RBFOX3: variants seen among roughly 807,000 people sequenced by gnomAD.
The protein encoded by RBFOX3 is RNA binding fox-1 homolog 3.
A neutral mutation model predicts 48.7 loss-of-function variants in RBFOX3; 17 were observed. The observed-to-expected ratio is 0.35, with a 90% confidence interval of 0.24 to 0.52. RBFOX3 has a LOEUF of 0.52. Ranked by LOEUF, RBFOX3 falls within the 20% of genes least tolerant of loss-of-function variation. RBFOX3 has a pLI of 0.94. For missense variants in RBFOX3, 382 were observed against 497.5 expected (o/e 0.77, Z 2.21); for synonymous variants, 212 against 209.5 (o/e 1.01, Z -0.10).
At chr17:79,258,725 G>A (rs1202243231) in intron 3 of RBFOX3, among the ~76,000 whole-genome samples, 1 of 152,176 alleles carries the variant, frequency 6.6e-6, no homozygotes, top group South Asian at 2.1e-4. Context: ...CTGGTTGGTG[G>A]GGGGTGCACT....
At chr17:79,150,995 T>C (rs1449011463) in intron 4 of RBFOX3, among the ~76,000 whole-genome samples, 2 of 152,172 alleles carry the variant, frequency 1.3e-5, no homozygotes, top group Non-Finnish European at 2.9e-5. Context: ...CCCGCTGCTG[T>C]GCGGCTCTCA....
chr17:79,519,266 G>T (rs998294426), intron 1 of RBFOX3, among the ~76,000 whole-genome samples: 5 of 152,198 alleles, frequency 3.3e-5, no homozygotes, highest in Non-Finnish European at 7.4e-5. Flanking sequence ...CCACCCCCAG[G>T]GCTCACACTC....
chr17:79,196,162 A>G (rs1173211480), intron 4 of RBFOX3, among the ~76,000 whole-genome samples: 1 of 152,188 alleles, frequency 6.6e-6, no homozygotes, highest in Non-Finnish European at 1.5e-5. Flanking sequence ...GGTCGGAGTC[A>G]CTGCCCCCTT....
intron 2 of RBFOX3, among the ~76,000 whole-genome samples, chr17:79,330,638 C>T (rs1246466901): frequency 6.6e-6 from 1 of 152,162 alleles, no homozygotes; most frequent in Admixed American, 6.5e-5. Flanking sequence ...CCCTGACTCT[C>T]ACCAGTTTCT....
chr17:79,291,062 G>T (rs1018632086), intron 3 of RBFOX3, among the ~76,000 whole-genome samples: 4 of 152,238 alleles, frequency 2.6e-5, no homozygotes, highest in African/African-American at 9.6e-5. Context: ...CAAATGAAAG[G>T]TGTGGTGTTG....
chr17:79,390,058 G>GCCGGGTCTCCGCAGCCT lies in RBFOX3; in HGVS notation c.-174-82251_-174-82235dup, dbSNP rs869163167. ...CCGTAGCCTCCAGGTCTCCGCAGCC[G>GCCGGGTCTCCGCAGCCT]CCGGGTCTCCGCAGCCTCCGGGTCT... On this transcript the variant is annotated intron_variant, in intron 2 of 14. Transcript: ENST00000693108. The surrounding 1 kb of genome is among the most constrained non-coding windows in gnomAD (Gnocchi z 4.2). 1.9e-3 allele frequency among the ~76,000 whole-genome samples: 245 copies of GCCGGGTCTCCGCAGCCT among 125,886 alleles called. 1 individual carries two copies. Among genetic ancestry groups the GCCGGGTCTCCGCAGCCT allele is most frequent in the Non-Finnish European group, 2.8e-3 (153 of 55,628 alleles). 82.6% of individuals were successfully genotyped at this position (125,886 alleles called of 152,430 possible). A position where few individuals can be genotyped will look rare whatever the true frequency, so the allele number is the denominator to read the frequency against.
chr17:79,134,483 G>T (rs780053046), intron 4 of RBFOX3, among the ~76,000 whole-genome samples: 3 of 152,228 alleles, frequency 2.0e-5, no homozygotes, highest in Admixed American at 6.5e-5. Flanking sequence ...CGCACAGCAG[G>T]TGCACACAGC....
At chr17:79,200,116 T>C (rs1301320390) in intron 4 of RBFOX3, among the ~76,000 whole-genome samples, 1 of 147,110 alleles carries the variant, frequency 6.8e-6, no homozygotes, top group Non-Finnish European at 1.5e-5. Context: ...TGAGCCGATA[T>C]TGCGTCACTG....
At chr17:79,526,325 C>T (rs2086792479) in intron 1 of RBFOX3, among the ~76,000 whole-genome samples, 1 of 152,188 alleles carries the variant, frequency 6.6e-6, no homozygotes, top group Admixed American at 6.5e-5. Context: ...GGAAGCCAGC[C>T]TCATCTACGA....
intron 1 of RBFOX3, among the ~76,000 whole-genome samples, chr17:79,527,223 T>C (rs1031427218): frequency 2.0e-5 from 3 of 152,264 alleles, no homozygotes; most frequent in Non-Finnish European, 4.4e-5. Context: ...AGAGCACGCC[T>C]GCCACCTCTT....
chr17:79,277,042 G>A (rs187761738), intron 3 of RBFOX3, among the ~76,000 whole-genome samples: 12 of 152,314 alleles, frequency 7.9e-5, no homozygotes, highest in Admixed American at 4.6e-4. Flanking sequence ...AAACTCCAAG[G>A]TGGTGGTGCC....
intron 1 of RBFOX3, among the ~76,000 whole-genome samples, chr17:79,547,018 G>A (rs2067009815): frequency 6.6e-6 from 1 of 152,096 alleles, no homozygotes; most frequent in African/African-American, 2.4e-5. Context: ...TCTGCTCAGG[G>A]ACGAAAAGGG....
intron 3 of RBFOX3, among the ~76,000 whole-genome samples, chr17:79,279,609 C>G (rs1051023902): frequency 1.3e-5 from 2 of 152,232 alleles, no homozygotes; most frequent in African/African-American, 4.8e-5. Flanking sequence ...CCTGTCCTGT[C>G]CAGCTAGCAC....
At chr17:79,560,404 C>T (rs929638420) in intron 1 of RBFOX3, among the ~76,000 whole-genome samples, 2 of 152,250 alleles carry the variant, frequency 1.3e-5, no homozygotes, top group South Asian at 4.1e-4. Flanking sequence ...GTCCTGCTGG[C>T]GGAAGGTGTG....
At chr17:79,445,793 C>T (rs552948550) in intron 2 of RBFOX3, among the ~76,000 whole-genome samples, 4 of 152,296 alleles carry the variant, frequency 2.6e-5, no homozygotes, top group East Asian at 3.9e-4. Flanking sequence ...CTGATTCAGC[C>T]GGGGTTTGCA....
At chr17:79,636,109 T>C in the RBFOX3 span, among the ~76,000 whole-genome samples, 11 of 152,078 alleles carry the variant, frequency 7.2e-5, no homozygotes, top group Non-Finnish European at 1.6e-4. Flanking sequence ...GGACATACAA[T>C]GCATAAATGC....
At chr17:79,544,450 GAGA>G (rs1284426217) in intron 1 of RBFOX3, among the ~76,000 whole-genome samples, 1 of 152,080 alleles carries the variant, frequency 6.6e-6, no homozygotes, top group Non-Finnish European at 1.5e-5. Context: ...CACTGATTTG[GAGA>G]AGGAGGTGAC....
chr17:79,245,149 TG>T (rs2148113073), intron 3 of RBFOX3, among the ~76,000 whole-genome samples: 1 of 151,842 alleles, frequency 6.6e-6, no homozygotes, highest in African/African-American at 2.4e-5. Flanking sequence ...CTTGGCTATC[TG>T]CAAACTCCGC....
chr17:79,576,682 C>T (rs900335345), intron 1 of RBFOX3, among the ~76,000 whole-genome samples: 16 of 144,330 alleles, frequency 1.1e-4, no homozygotes, highest in Admixed American at 2.1e-4. Flanking sequence ...ATGGAGAAGG[C>T]GGAGATGATG....
Sources: allele counts gnomAD v4.1 joint callset (sites outside exome capture counted in the v4.1 genomes callset), GRCh38; gene constraint gnomAD v4.1.1; non-coding constraint Gnocchi (gnomAD v3.1); transcripts MANE v1.5; gene names NCBI Gene and HGNC (gene_info 2026-07-23, HGNC 2026-07-21).